HTR1F: variants seen among roughly 807,000 people sequenced by gnomAD.
HTR1F encodes 5-hydroxytryptamine (serotonin) receptor 1F, G protein-coupled.
A neutral mutation model predicts 24.0 loss-of-function variants in HTR1F; 17 were observed. The ratio of observed to expected loss-of-function variants is 0.71; its 90% CI spans 0.48 to 1.06. The LOEUF (loss-of-function observed/expected upper bound fraction) is 1.06, where lower values mean the gene tolerates loss of function less well. Ranked by LOEUF, HTR1F falls within the 50% of genes least tolerant of loss-of-function variation. HTR1F has a pLI of 0.00. For missense variants in HTR1F, 391 were observed against 427.8 expected (o/e 0.91, Z 0.76); for synonymous variants, 186 against 156.8 (o/e 1.19, Z -1.39).
chr3:87,839,050 C>T (rs1704744180), intron 2 of HTR1F, among the ~76,000 whole-genome samples: 1 of 145,294 alleles, frequency 6.9e-6, no homozygotes, highest in Non-Finnish European at 1.5e-5. Flanking sequence ...GTCTAGAAGC[C>T]TTTTAGTTTG....
chr3:87,817,664 T>C (rs1053796390), intron 1 of HTR1F, among the ~76,000 whole-genome samples: 4 of 152,206 alleles, frequency 2.6e-5, no homozygotes, highest in Non-Finnish European at 5.9e-5. Flanking sequence ...ATGAGATGCA[T>C]AGCTGAAATG....
At chr3:87,957,742 G>A (rs986015724) in intron 2 of HTR1F, among the ~76,000 whole-genome samples, 4 of 151,008 alleles carry the variant, frequency 2.6e-5, no homozygotes, top group African/African-American at 9.7e-5. Context: ...GATTTGTGTA[G>A]AAAACCCATT....
intron 2 of HTR1F, among the ~76,000 whole-genome samples, chr3:87,944,475 G>T (rs1704647280): frequency 6.6e-6 from 1 of 152,132 alleles, no homozygotes; most frequent in Non-Finnish European, 1.5e-5. Context: ...ACCCATTGTG[G>T]TTTTTTCCTC....
At chr3:87,949,224 G>A (rs1367422564) in intron 2 of HTR1F, among the ~76,000 whole-genome samples, 3 of 152,204 alleles carry the variant, frequency 2.0e-5, no homozygotes, top group Non-Finnish European at 4.4e-5. Context: ...AGATCCTTTA[G>A]GGTAGTTTCT....
chr3:87,856,309 T>A (rs62267040), intron 2 of HTR1F, among the ~76,000 whole-genome samples: 8,503 of 152,124 alleles, frequency 0.056, 319 homozygotes, highest in Non-Finnish European at 0.088. Flanking sequence ...GAGTAAGAGA[T>A]GACAGAATCC....
At chr3:87,874,312 C>T (rs1221078685) in intron 2 of HTR1F, among the ~76,000 whole-genome samples, 1 of 152,034 alleles carries the variant, frequency 6.6e-6, no homozygotes, top group Non-Finnish European at 1.5e-5. Flanking sequence ...ACAAAGCCTA[C>T]ACAGAGAAAT....
chr3:87,901,514 C>A (rs549863207), intron 2 of HTR1F, among the ~76,000 whole-genome samples: 2 of 152,208 alleles, frequency 1.3e-5, no homozygotes, highest in Admixed American at 1.3e-4. Context: ...ACAAGCCACC[C>A]AATAAGTAGT....
intron 2 of HTR1F, among the ~76,000 whole-genome samples, chr3:87,927,515 TATA>T (rs1296795950): frequency 6.6e-6 from 1 of 152,170 alleles, no homozygotes; most frequent in Non-Finnish European, 1.5e-5. Context: ...CAAAAAAATG[TATA>T]TTATATTATT....
intron 2 of HTR1F, among the ~76,000 whole-genome samples, chr3:87,977,910 T>C (rs1705433991): frequency 6.6e-6 from 1 of 152,212 alleles, no homozygotes; most frequent in South Asian, 2.1e-4. Flanking sequence ...ACTGGACTTG[T>C]TCTTCCCACT....
chr3:87,813,634 C>G (rs952281505), intron 1 of HTR1F, among the ~76,000 whole-genome samples: 18 of 152,076 alleles, frequency 1.2e-4, no homozygotes, highest in African/African-American at 4.3e-4. Flanking sequence ...GGCTCTGTGT[C>G]CCCACTCAAA....
chr3:87,869,100 T>A (rs970218419), intron 2 of HTR1F, among the ~76,000 whole-genome samples: 1 of 151,992 alleles, frequency 6.6e-6, no homozygotes, highest in African/African-American at 2.4e-5. Context: ...ATCCTTGAAC[T>A]TTATTGTTAT....
At position 87,808,136 on chromosome 3, in the gene HTR1F, T is replaced by G. The variant is rs375084160; in HGVS notation, c.-159-13872T>G. 3.3e-5 allele frequency among the ~76,000 whole-genome samples: 5 copies of G among 152,150 alleles called. No individual in the cohort carries two copies. In the East Asian group the frequency reaches 5.8e-4, roughly 18 times the overall value. ...TCAGGATAATGCTGGCATCATGGAA[T>G]AAGTTAGGTAGAATTTTCTCCTCTC... On this transcript the variant is annotated intron_variant, in intron 1 of 2. Coordinates refer to ENST00000319595, the MANE Select transcript of HTR1F (RefSeq NM_001322209.2).
At chr3:87,882,321 A>G (rs759636598) in intron 2 of HTR1F, among the ~76,000 whole-genome samples, 1 of 152,156 alleles carries the variant, frequency 6.6e-6, no homozygotes, top group East Asian at 1.9e-4. Context: ...GATCTAGAAC[A>G]AGAAATACCA....
chr3:87,824,327 C>T (rs1704419396), intron 2 of HTR1F, among the ~76,000 whole-genome samples: 1 of 152,108 alleles, frequency 6.6e-6, no homozygotes, highest in Admixed American at 6.5e-5. Flanking sequence ...TCCTATGCAT[C>T]CTACTCCAAT....
intron 2 of HTR1F, among the ~76,000 whole-genome samples, chr3:87,925,429 G>A (rs540914436): frequency 6.6e-6 from 1 of 152,256 alleles, no homozygotes; most frequent in South Asian, 2.1e-4. Flanking sequence ...TCTTTTTGGG[G>A]ATGCAGGGCA....
rs1705845807 is a variant in HTR1F, at chr3:87,991,914, C to A, written c.*64C>A. ...AGGGGAGGAATAACTAGATGAATGCCAAATAATAAAACACTTAAGCTTTTA... is the reference window on the plus strand; with the variant it reads ...AGGGGAGGAATAACTAGATGAATGCAAAATAATAAAACACTTAAGCTTTTA... On this transcript the variant is annotated 3_prime_UTR_variant, in exon 3 of 3. Coordinates refer to ENST00000319595, the MANE Select transcript of HTR1F (RefSeq NM_001322209.2). The A allele has an allele frequency of 1.5e-6, 2 of 1,352,276 alleles. No individual in the cohort carries two copies. The highest frequency in any genetic ancestry group is 2.0e-6 in the Non-Finnish European group (2 of 996,394). The allele number at this position is 1,352,276 out of a possible 1,614,324, so 83.8% of individuals were successfully genotyped here.
intron 2 of HTR1F, among the ~76,000 whole-genome samples, chr3:87,884,951 G>C (rs1179972211): frequency 6.6e-6 from 1 of 152,138 alleles, no homozygotes; most frequent in African/African-American, 2.4e-5. Flanking sequence ...AGGTTAACAA[G>C]GATATCCAGG....
At chr3:87,909,421 G>A (rs1299684319) in intron 2 of HTR1F, among the ~76,000 whole-genome samples, 4 of 151,950 alleles carry the variant, frequency 2.6e-5, no homozygotes, top group South Asian at 2.1e-4. Context: ...AAGTCAACTC[G>A]TTACGTGCTC....
At chr3:87,839,001 T>C (rs1704740609) in intron 2 of HTR1F, among the ~76,000 whole-genome samples, 1 of 144,678 alleles carries the variant, frequency 6.9e-6, no homozygotes, top group South Asian at 2.1e-4. Context: ...TTCTTTTTAT[T>C]TATTTATTTT....
Sources: allele counts gnomAD v4.1 joint callset (sites outside exome capture counted in the v4.1 genomes callset), GRCh38; gene constraint gnomAD v4.1.1; transcripts MANE v1.5; gene names NCBI Gene and HGNC (gene_info 2026-07-23, HGNC 2026-07-21).